LAMA5: variants seen among roughly 807,000 people sequenced by gnomAD.
The protein encoded by LAMA5 is laminin subunit alpha 5, also known as laminin subunit alpha-5.
Under a neutral mutation model 433.4 loss-of-function variants are expected in LAMA5, and 260 were observed. The ratio of observed to expected loss-of-function variants is 0.60; its 90% CI spans 0.54 to 0.66. LAMA5 has a LOEUF of 0.66. LAMA5 is among the 30% of genes least tolerant of loss of function. LAMA5 has a pLI of 0.00. For synonymous variants in LAMA5, 2,620 were observed against 2,226.6 expected (o/e 1.18, Z -4.97); for missense variants, 5,378 against 5,258.5 (o/e 1.02, Z -0.70).
Position 62,311,401 on chromosome 20 carries a change from C to G in LAMA5, c.9942G>C (p.Lys3314Asn), listed in dbSNP as rs933199529. 1 of 1,558,436 alleles carries G rather than the reference C, an allele frequency of 6.4e-7. No homozygotes were observed. The highest frequency in any genetic ancestry group is 1.2e-5 in the South Asian group (1 of 85,634). The change falls in exon 72 of 80, where the codon AAG becomes AAC. Residue 3314 changes from lysine (K) to asparagine (N), a missense_variant and splice_region_variant. Physicochemically the swap from Lys to Asn is moderately conservative, Grantham distance 94 (BLOSUM62 0). Coordinates refer to ENST00000252999, the MANE Select transcript of LAMA5 (RefSeq NM_005560.6). ...GPRGLQATAR[K>N]ASRRSRQPAR... The stretch of plus-strand genomic sequence containing the variant: ...GCCTGCTCACCCCTGGGGTGCCCAC[C>G]TTCCGGGCGGTGGCCTGCAGTCCTC...
rs1601356707 is a variant in LAMA5 at position 62,333,690 on chromosome 20, C to G, written c.2895G>C (p.Gln965His). 1.3e-6 allele frequency: 2 copies of G among 1,594,030 alleles called. No homozygotes were observed. The highest frequency in any genetic ancestry group is 1.7e-6 in the Non-Finnish European group (2 of 1,172,096). The change falls in exon 24 of 80, where the codon CAG becomes CAC. Residue 965 changes from glutamine (Q) to histidine (H), a missense_variant. Physicochemically the swap from Gln to His is conservative, Grantham distance 24 (BLOSUM62 0). Coordinates refer to ENST00000252999, the MANE Select transcript of LAMA5 (RefSeq NM_005560.6). ...ATCANCTAQS[Q>H]PVAFPPSTEP... ...CCGTGCTGGGTGGGAAGGCCACGGGCTGACTCTGTGCTGTGCCTGGGCGGG... is the reference window on the plus strand; with the variant it reads ...CCGTGCTGGGTGGGAAGGCCACGGGGTGACTCTGTGCTGTGCCTGGGCGGG...
In LAMA5 at chr20:62,317,509, G is replaced by A. The variant is rs1217782434; in HGVS notation, c.7357-10C>T. 2 of 1,539,146 alleles carry A rather than the reference G, an allele frequency of 1.3e-6. No homozygotes were observed. Among genetic ancestry groups the A allele is most frequent in the East Asian group, 2.3e-5 (1 of 43,262 alleles). On this transcript the variant is annotated splice_polypyrimidine_tract_variant and intron_variant, in intron 54 of 79. Coordinates refer to ENST00000252999, the MANE Select transcript of LAMA5 (RefSeq NM_005560.6). ...CGAGGCGCTCCAGCTCCTGGAATTTGAGTGGACTTAGCCCCTCATCCTGCT... is the reference window on the plus strand; with the variant it reads ...CGAGGCGCTCCAGCTCCTGGAATTTAAGTGGACTTAGCCCCTCATCCTGCT...
chr20:62,319,200 A>C (rs1287773778), intron 51 of LAMA5, 187 bp from the exon 52 acceptor site: 1 of 599,140 alleles, frequency 1.7e-6, no homozygotes, highest in South Asian at 2.1e-5. Context: ...CCCGGCCCTC[A>C]CCTCCTGCAG....
chr20:62,344,177 A>ATACAATC (rs1983017441), intron 11 of LAMA5, among the ~76,000 whole-genome samples: 1 of 150,738 alleles, frequency 6.6e-6, no homozygotes, highest in Non-Finnish European at 1.5e-5. Flanking sequence ...GTCATATCAA[A>ATACAATC]TACAATCTAA....
At chr20:62,341,369 T>G (rs1982566596) in intron 11 of LAMA5, among the ~76,000 whole-genome samples, 1 of 152,100 alleles carries the variant, frequency 6.6e-6, no homozygotes. Flanking sequence ...TGAGGAAAAT[T>G]TATAGCTTTA....
Position 62,318,539 on chromosome 20 carries a change from C to T in LAMA5, c.7154G>A (p.Arg2385Gln), listed in dbSNP as rs145597795. Reference protein sequence around the residue: ...AQHEAGLMDLREALNRAVDAT... With the variant: ...AQHEAGLMDLQEALNRAVDAT... ...GTCCACTGCCCGGTTCAAAGCCTCTCGCAGGTCCATGAGGCCGGCCTCGTG... is the reference window on the plus strand; with the variant it reads ...GTCCACTGCCCGGTTCAAAGCCTCTTGCAGGTCCATGAGGCCGGCCTCGTG... Residue 2385 changes from arginine (R) to glutamine (Q), a missense_variant, in exon 53 of 80, where the codon CGA becomes CAA. Transcript: ENST00000252999. 9.7e-5 allele frequency: 156 copies of T among 1,610,046 alleles called. No homozygotes were observed. The highest frequency in any genetic ancestry group is 1.2e-4 in the Non-Finnish European group (145 of 1,179,098).
At chr20:62,346,878 G>A in intron 7 of LAMA5, 35 bp downstream of exon 7, 3 of 1,609,122 alleles carry the variant, frequency 1.9e-6, no homozygotes, top group Non-Finnish European at 2.5e-6. Context: ...GCCAGGGTGT[G>A]GGCAGGACAC....
In LAMA5 at chr20:62,333,591, C is replaced by T. The variant is rs1255778030; in HGVS notation, c.2994G>A (p.Leu998=). The T allele has an allele frequency of 6.4e-7, 1 of 1,570,644 alleles. No homozygotes were observed. Residue 998 remains leucine, a synonymous_variant, in exon 24 of 80, where the codon CTG becomes CTA. Coordinates refer to ENST00000252999, the MANE Select transcript of LAMA5 (RefSeq NM_005560.6). ...PFVLNPGTWA[L]RVEAEGVLLD... is the part of the protein sequence containing the mutation. Reference sequence around the variant, plus strand: ...GGAGCACCCCTTCGGCCTCCACACGCAGGGCCCAGGTGCCAGGGTTCAGCA... The same window carrying T: ...GGAGCACCCCTTCGGCCTCCACACGTAGGGCCCAGGTGCCAGGGTTCAGCA...
chr20:62,327,500 A>C (rs773451420), intron 37 of LAMA5, 29 bp downstream of exon 37: 45 of 1,611,574 alleles, frequency 2.8e-5, no homozygotes, highest in Non-Finnish European at 3.4e-5. Context: ...CTCCCCGAGA[A>C]GGCAATGCCC....
chr20:62,309,584 T>TTGGG (rs1985886853), intron 79 of LAMA5, 109 bp from the exon 80 acceptor site: 10 of 181,726 alleles, frequency 5.5e-5, no homozygotes, highest in Non-Finnish European at 8.5e-5. Flanking sequence ...TTCCACATCA[T>TTGGG]AGGAGGGTGG....
chr20:62,350,096 G>A (rs943243446), intron 6 of LAMA5, among the ~76,000 whole-genome samples: 3 of 151,904 alleles, frequency 2.0e-5, no homozygotes, highest in East Asian at 3.9e-4. Context: ...CCTGCAGGGA[G>A]AGCTGAGCTC....
At chr20:62,341,972 A>G (rs1982674687) in intron 11 of LAMA5, among the ~76,000 whole-genome samples, 2 of 152,236 alleles carry the variant, frequency 1.3e-5, no homozygotes, top group Non-Finnish European at 2.9e-5. Context: ...AAAATACACA[A>G]TTTGCTAATA....
Position 62,316,463 on chromosome 20 carries a change from C to T in LAMA5, c.7756+208G>A, listed in dbSNP as rs999878572. On this transcript the variant is annotated intron_variant, in intron 57 of 79. Coordinates refer to ENST00000252999, the MANE Select transcript of LAMA5 (RefSeq NM_005560.6). ...TGCCTCAGTGGCAGCCAGTGCCTCG[C>T]AGGAGGCTGCTCCTCCCTGGACTCC... 9.5e-6 allele frequency: 5 copies of T among 527,562 alleles called. No individual in the cohort carries two copies. The Admixed American group carries it at 1.7e-4, about 18-fold the overall frequency. 32.7% of individuals were successfully genotyped at this position (527,562 alleles called of 1,614,324 possible).
At position 62,339,756 on chromosome 20, in the gene LAMA5, C is replaced by T. The variant is rs371578930; in HGVS notation, c.1478-1148G>A. Among the ~76,000 whole-genome samples the T allele has an allele frequency of 4.0e-4, 58 of 143,338 alleles. 1 individual carries two copies. In the South Asian group the frequency reaches 5.3e-3, roughly 13 times the overall value. The allele number at this position is 143,338 out of a possible 152,430, so 94.0% of individuals were successfully genotyped here. On this transcript the variant is annotated intron_variant, in intron 11 of 79. Transcript: ENST00000252999. ...AGTAGCAAAAACCAAAATCAAAGCACGTTTTCTTGCTCTAACTTGTGAAAG... is the reference window on the plus strand; with the variant it reads ...AGTAGCAAAAACCAAAATCAAAGCATGTTTTCTTGCTCTAACTTGTGAAAG...
At position 62,328,417 on chromosome 20, in the gene LAMA5, G is replaced by T; in HGVS notation, c.4476C>A (p.Asp1492Glu). The T allele has an allele frequency of 2.0e-6, 3 of 1,522,954 alleles. No individual in the cohort carries two copies. Among genetic ancestry groups the T allele is most frequent in the Non-Finnish European group, 8.9e-7 (1 of 1,129,814 alleles). The allele number at this position is 1,522,954 out of a possible 1,614,324, so 94.3% of individuals were successfully genotyped here. A position where few individuals can be genotyped will look rare whatever the true frequency, so the allele number is the denominator to read the frequency against. The change falls in exon 35 of 80, where the codon GAC (aspartate) becomes GAA (glutamate). Residue 1492 changes from aspartate (D) to glutamate (E), a missense_variant. Physicochemically the swap from Asp to Glu is conservative, Grantham distance 45. Transcript: ENST00000252999. ...GGCAGATGCACTGGCCCGTGAGCTC[G>T]TCACAGAGGCGGGCACCGCAGTCAC... ...RPCDCGARLC[D>E]ELTGQCICPP...
chr20:62,344,600 C>T (rs182773191), intron 11 of LAMA5, among the ~76,000 whole-genome samples: 285 of 152,144 alleles, frequency 1.9e-3, no homozygotes, highest in Admixed American at 4.4e-3. Flanking sequence ...AGGCACGCAC[C>T]ACCACGCCTG....
Position 62,334,178 on chromosome 20 carries a change from GCGCCCA to G in LAMA5, c.2739+2_2739+7del. 6.2e-7 allele frequency: 1 copy of G among 1,610,912 alleles called. No individual in the cohort carries two copies. Among genetic ancestry groups the G allele is most frequent in the Non-Finnish European group, 8.5e-7 (1 of 1,178,526 alleles). On this transcript the variant is annotated splice_donor_variant and splice_donor_5th_base_variant and intron_variant, in intron 22 of 79. Coordinates refer to ENST00000252999, the MANE Select transcript of LAMA5 (RefSeq NM_005560.6). LOFTEE classifies it high-confidence loss of function. ...GGCTGAGCCTGGGAGGGGGAGCACA[GCGCCCA>G]CCTGGACAGGTGCCATCTGCGCGTA...
At chr20:62,341,253 G>A (rs1036493540) in intron 11 of LAMA5, among the ~76,000 whole-genome samples, 4 of 151,900 alleles carry the variant, frequency 2.6e-5, no homozygotes, top group Non-Finnish European at 4.4e-5. Flanking sequence ...GAACAGTGAC[G>A]GGTTGAAAGA....
chr20:62,353,021 C>A, intron 3 of LAMA5, 113 bp downstream of exon 3: 2 of 724,382 alleles, frequency 2.8e-6, no homozygotes, highest in Admixed American at 5.7e-5. Flanking sequence ...CCGCAGCAGC[C>A]GGGTGTGAGG....
Sources: allele counts gnomAD v4.1 joint callset (sites outside exome capture counted in the v4.1 genomes callset), GRCh38; gene constraint gnomAD v4.1.1; transcripts MANE v1.5; gene names NCBI Gene and HGNC (gene_info 2026-07-23, HGNC 2026-07-21).